Variants in PRKCB observed in about 807,000 individuals in gnomAD.
PRKCB encodes the protein protein kinase C beta type.
Under a neutral mutation model 81.5 loss-of-function variants are expected in PRKCB, and 13 were observed. The observed-to-expected ratio is 0.16, with a 90% CI of 0.10 to 0.25. PRKCB has a LOEUF of 0.25. Ranked by LOEUF, PRKCB falls within the 10% of genes least tolerant of loss-of-function variation. The probability of loss-of-function intolerance (pLI) is 1.00; values close to 1 mark genes in which losing one functional copy is unlikely to be tolerated. For synonymous variants in PRKCB, 335 were observed against 321.4 expected, an observed-to-expected ratio of 1.04 and a Z score of -0.45; for missense variants, 509 against 875.7, an observed-to-expected ratio of 0.58 and a Z score of 5.29.
rs3785378 is a variant in PRKCB, at chr16:24,215,704, A to G, written c.*888A>G. On this transcript the variant is annotated 3_prime_UTR_variant, in exon 17 of 17. Transcript: ENST00000643927. ...TTGTTACACATGCTTTAAAATATGT[A>G]TTCAAATGTTATTAACCACAATGAC... 118,165 of 984,820 alleles carry G rather than the reference A, an allele frequency of 0.12. 11,300 individuals carry two copies. The highest frequency in any genetic ancestry group is 0.48 in the African/African-American group (27,570 of 57,236). 61.0% of individuals were successfully genotyped at this position (984,820 alleles called of 1,614,324 possible).
At chr16:23,991,215 A>T (rs1409869942) in intron 3 of PRKCB, among the ~76,000 whole-genome samples, 1 of 152,226 alleles carries the variant, frequency 6.6e-6, no homozygotes, top group Non-Finnish European at 1.5e-5. Context: ...TGCCATAGCA[A>T]CACAAAGATG....
At position 23,889,140 on chromosome 16, in the gene PRKCB, A is replaced by ATCCG. The variant is rs1272597155; in HGVS notation, c.205+51737_205+51738insGTCC. ...CGTCCATCCATCCATCCATCCATCCATCCATCCATCCATCCATCCATCCAT... is the reference window on the plus strand; with the variant it reads ...CGTCCATCCATCCATCCATCCATCCATCCGTCCATCCATCCATCCATCCATCCAT... On this transcript the variant is annotated intron_variant, in intron 2 of 16. Coordinates refer to ENST00000643927, the MANE Select transcript of PRKCB (RefSeq NM_002738.7). 1.1e-3 allele frequency among the ~76,000 whole-genome samples: 147 copies of ATCCG among 137,412 alleles called. 1 individual carries two copies. The highest frequency in any genetic ancestry group is 5.0e-3 in the African/African-American group (141 of 28,344). The allele number at this position is 137,412 out of a possible 152,430, so 90.1% of individuals were successfully genotyped here.
At chr16:24,181,078 A>T in intron 13 of PRKCB, 150 bp downstream of exon 13, 1 of 1,017,808 alleles carries the variant, frequency 9.8e-7, no homozygotes, top group Non-Finnish European at 1.4e-6. Context: ...TCCCTTTGAG[A>T]TCACACATGC....
At chr16:23,837,708 A>C (rs1962190274) in intron 2 of PRKCB, among the ~76,000 whole-genome samples, 1 of 152,034 alleles carries the variant, frequency 6.6e-6, no homozygotes, top group African/African-American at 2.4e-5. Context: ...CTGGGGGAGA[A>C]AGTGTTTTCC....
chr16:23,864,452 C>T (rs577957820), intron 2 of PRKCB, among the ~76,000 whole-genome samples: 1 of 152,338 alleles, frequency 6.6e-6, no homozygotes, highest in South Asian at 2.1e-4. Flanking sequence ...TGAGCTCCTA[C>T]TGTATACTGG....
At chr16:24,155,059 A>G (rs1399724653) in intron 10 of PRKCB, among the ~76,000 whole-genome samples, 1 of 152,250 alleles carries the variant, frequency 6.6e-6, no homozygotes, top group African/African-American at 2.4e-5. Context: ...TGCTGTCTCA[A>G]CTTAGATAAA....
At chr16:23,842,667 G>C (rs755822648) in intron 2 of PRKCB, among the ~76,000 whole-genome samples, 1 of 152,142 alleles carries the variant, frequency 6.6e-6, no homozygotes, top group African/African-American at 2.4e-5. Flanking sequence ...TGATTATAAT[G>C]AGTAAGTTGG....
intron 9 of PRKCB, among the ~76,000 whole-genome samples, chr16:24,139,243 C>G (rs1048736731): frequency 1.3e-5 from 2 of 152,100 alleles, no homozygotes; most frequent in Non-Finnish European, 2.9e-5. Flanking sequence ...CTCAAAAGAA[C>G]CGTTCAGTTA....
chr16:23,877,699 G>T (rs1348283314), intron 2 of PRKCB, among the ~76,000 whole-genome samples: 5 of 152,176 alleles, frequency 3.3e-5, no homozygotes, highest in Non-Finnish European at 7.3e-5. Context: ...CAGTCTTTAA[G>T]CTAAAAATCT....
chr16:24,015,508 G>A (rs1965265512), intron 3 of PRKCB, among the ~76,000 whole-genome samples: 2 of 152,228 alleles, frequency 1.3e-5, no homozygotes, highest in Non-Finnish European at 2.9e-5. Context: ...GTGGGGTGGT[G>A]TCAGCCAGGT....
chr16:24,213,402 G>C (rs1289107706), intron 16 of PRKCB, among the ~76,000 whole-genome samples: 2 of 152,132 alleles, frequency 1.3e-5, no homozygotes, highest in East Asian at 3.9e-4. Flanking sequence ...ATCTTGCTCT[G>C]CTATTGGTTT....
chr16:24,113,251 GCTTTCTCGCTTTCTTC>G (rs1966697836), intron 8 of PRKCB, among the ~76,000 whole-genome samples, 182 bp downstream of exon 8: 1 of 138,292 alleles, frequency 7.2e-6, no homozygotes, highest in Non-Finnish European at 1.6e-5. Flanking sequence ...TTACTTGCTT[GCTTTCTCGCTTTCTTC>G]CTTTCTCTCT....
intron 7 of PRKCB, among the ~76,000 whole-genome samples, chr16:24,096,193 G>A (rs1040009722): frequency 3.9e-5 from 6 of 152,026 alleles, no homozygotes; most frequent in East Asian, 1.9e-4. Flanking sequence ...CCAGGGAGGC[G>A]GAGGTTGCAG....
At chr16:23,870,361 G>A (rs570666215) in intron 2 of PRKCB, among the ~76,000 whole-genome samples, 1 of 152,252 alleles carries the variant, frequency 6.6e-6, no homozygotes, top group South Asian at 2.1e-4. Flanking sequence ...TATAATAACT[G>A]GAAACATGTA....
At chr16:24,152,613 A>C (rs1186165471) in intron 9 of PRKCB, among the ~76,000 whole-genome samples, 1 of 152,150 alleles carries the variant, frequency 6.6e-6, no homozygotes, top group African/African-American at 2.4e-5. Flanking sequence ...TCTGGAATCC[A>C]GGAGCAGGAA....
At chr16:24,140,265 G>A (rs1439472190) in intron 9 of PRKCB, among the ~76,000 whole-genome samples, 2 of 152,178 alleles carry the variant, frequency 1.3e-5, no homozygotes, top group East Asian at 3.8e-4. Context: ...GAATGTGATA[G>A]GACATCTTCA....
intron 12 of PRKCB, among the ~76,000 whole-genome samples, chr16:24,178,181 G>A (rs1967564458): frequency 6.6e-6 from 1 of 152,172 alleles, no homozygotes; most frequent in African/African-American, 2.4e-5. Context: ...GTTGGGTTGT[G>A]GGGTGGGAAG....
chr16:24,170,889 G>A (rs1967431402), intron 10 of PRKCB, among the ~76,000 whole-genome samples: 1 of 152,216 alleles, frequency 6.6e-6, no homozygotes, highest in African/African-American at 2.4e-5. Flanking sequence ...CATAGCCCCT[G>A]ACTTGAAGAA....
chr16:24,053,279 C>CTTA (rs1965864284), intron 5 of PRKCB, among the ~76,000 whole-genome samples: 2 of 152,220 alleles, frequency 1.3e-5, no homozygotes, highest in African/African-American at 4.8e-5. Context: ...CCTCATGGAG[C>CTTA]TTATATTTTA....
Sources: gnomAD v4.1 joint callset for allele counts (sites outside exome capture counted in the v4.1 genomes callset) on GRCh38, gnomAD v4.1.1 for gene constraint, MANE v1.5 for transcripts, NCBI Gene and HGNC (gene_info 2026-07-23, HGNC 2026-07-21) for gene names.